TENM2: variants seen among roughly 807,000 people sequenced by gnomAD.
TENM2 encodes the protein teneurin-2.
TENM2 carries 52 observed loss-of-function variants against 245.2 expected under a neutral mutation model. The ratio of observed to expected loss-of-function variants is 0.21; its 90% confidence interval spans 0.17 to 0.27. The LOEUF (loss-of-function observed/expected upper bound fraction) is 0.27. Among genes scored for constraint, TENM2 ranks in the 10% least tolerant of loss-of-function variants. The pLI is 1.00. For synonymous variants in TENM2, 1,363 were observed against 1,438.9 expected (o/e 0.95, Z 1.19); for missense variants, 3,046 against 3,666.8 (o/e 0.83, Z 4.37).
At chr5:167,438,609 G>A (rs111265230) in intron 2 of TENM2, among the ~76,000 whole-genome samples, 6,873 of 152,148 alleles carry the variant, frequency 0.045, 187 homozygotes, top group Non-Finnish European at 0.065. Context: ...CTGTTAGCCA[G>A]GATGGTCTCG....
the TENM2 span, among the ~76,000 whole-genome samples, chr5:167,061,457 A>G: frequency 7.9e-5 from 12 of 152,304 alleles, no homozygotes; most frequent in South Asian, 2.3e-3. Context: ...AATTTATTAG[A>G]CAAACTTTTT....
chr5:167,378,009 T>C (rs1217633732), intron 2 of TENM2, among the ~76,000 whole-genome samples: 2 of 152,136 alleles, frequency 1.3e-5, no homozygotes, highest in Non-Finnish European at 2.9e-5. Flanking sequence ...GTTTTAAAGA[T>C]ACATGGTCAG....
chr5:167,936,578 C>G (rs1778737351), intron 3 of TENM2, among the ~76,000 whole-genome samples: 1 of 152,160 alleles, frequency 6.6e-6, no homozygotes, highest in East Asian at 1.9e-4. Flanking sequence ...AGTCTTTCCC[C>G]CATCCATTGA....
chr5:168,129,765 T>A (rs1471021770), intron 12 of TENM2: 1 of 152,204 alleles, frequency 6.6e-6, no homozygotes, highest in Non-Finnish European at 1.5e-5. Context: ...TTAAAGTAAA[T>A]GCCACAATTT....
intron 2 of TENM2, among the ~76,000 whole-genome samples, chr5:167,678,977 A>C (rs958724195): frequency 6.6e-6 from 1 of 152,088 alleles, no homozygotes; most frequent in African/African-American, 2.4e-5. Context: ...CGCCATGATG[A>C]CTGTAGTCAA....
chr5:168,109,902 C>G (rs996488361), intron 9 of TENM2, among the ~76,000 whole-genome samples: 1 of 152,152 alleles, frequency 6.6e-6, no homozygotes, highest in African/African-American at 2.4e-5. Context: ...CGTGCAAGTC[C>G]ATGCCTGCAA....
At chr5:167,466,849 G>A (rs561349943) in intron 2 of TENM2, among the ~76,000 whole-genome samples, 12 of 152,016 alleles carry the variant, frequency 7.9e-5, no homozygotes, top group East Asian at 1.9e-4. Flanking sequence ...GTCTCCCCAC[G>A]TACTAATACT....
At chr5:167,600,655 G>T (rs1776573169) in intron 2 of TENM2, among the ~76,000 whole-genome samples, 1 of 152,096 alleles carries the variant, frequency 6.6e-6, no homozygotes, top group Non-Finnish European at 1.5e-5. Flanking sequence ...TTTCTCTAGG[G>T]CCTCAGAGGC....
At chr5:168,110,602 C>T (rs1023439819) in intron 9 of TENM2, among the ~76,000 whole-genome samples, 2 of 152,140 alleles carry the variant, frequency 1.3e-5, no homozygotes, top group African/African-American at 4.8e-5. Flanking sequence ...AAACAGACCC[C>T]CCATGCCTTC....
chr5:167,321,283 T>C (rs1019934028), intron 1 of TENM2, among the ~76,000 whole-genome samples: 2 of 152,016 alleles, frequency 1.3e-5, no homozygotes, highest in African/African-American at 4.8e-5. Flanking sequence ...AAGAAAAATA[T>C]AGGGCATTTT....
chr5:167,662,330 G>A (rs749570869), intron 2 of TENM2, among the ~76,000 whole-genome samples: 1 of 152,116 alleles, frequency 6.6e-6, no homozygotes, highest in East Asian at 1.9e-4. Flanking sequence ...CCCCTTCCTC[G>A]TTTGCCTGGC....
chr5:167,923,290 G>C (rs1409035750), intron 3 of TENM2, among the ~76,000 whole-genome samples: 1 of 151,410 alleles, frequency 6.6e-6, no homozygotes, highest in African/African-American at 2.4e-5. Context: ...CTGCATTGCA[G>C]CCTGGGCAAG....
chr5:167,703,530 C>CAAAAAAA (rs747603141), intron 2 of TENM2, among the ~76,000 whole-genome samples: 54 of 97,072 alleles, frequency 5.6e-4, no homozygotes, highest in East Asian at 1.7e-3. Context: ...GAAACCATCT[C>CAAAAAAA]AAAAAAAAAA....
chr5:167,856,684 C>T (rs1255089719), intron 2 of TENM2, among the ~76,000 whole-genome samples: 1 of 152,164 alleles, frequency 6.6e-6, no homozygotes, highest in South Asian at 2.1e-4. Flanking sequence ...AATCTTCTGT[C>T]TCCTTTTCCC....
At chr5:168,054,227 C>T (rs967039762) in intron 6 of TENM2, among the ~76,000 whole-genome samples, 3 of 152,198 alleles carry the variant, frequency 2.0e-5, no homozygotes, top group African/African-American at 7.2e-5. Flanking sequence ...TGAACACCAT[C>T]ACAGAAGCAG....
chr5:168,016,227 A>T (rs1342360742), intron 5 of TENM2, among the ~76,000 whole-genome samples: 1 of 152,218 alleles, frequency 6.6e-6, no homozygotes, highest in Non-Finnish European at 1.5e-5. Context: ...ACGGATGTTA[A>T]GTAGCTTGTC....
intron 2 of TENM2, among the ~76,000 whole-genome samples, chr5:167,739,912 C>G (rs1761056363): frequency 6.6e-6 from 1 of 152,198 alleles, no homozygotes; most frequent in African/African-American, 2.4e-5. Flanking sequence ...TAACTAATTA[C>G]TTGTGACCCT....
the TENM2 span, among the ~76,000 whole-genome samples, chr5:167,063,222 G>T: frequency 6.6e-6 from 1 of 152,108 alleles, no homozygotes; most frequent in African/African-American, 2.4e-5. Context: ...ACCTTGTCTT[G>T]CAGAGCTTAT....
intron 7 of TENM2, among the ~76,000 whole-genome samples, chr5:168,066,302 C>T (rs1790500906): frequency 6.6e-6 from 1 of 152,162 alleles, no homozygotes; most frequent in Non-Finnish European, 1.5e-5. Flanking sequence ...TCAACCAAAG[C>T]AGTCACATCA....
Sources: allele counts gnomAD v4.1 joint callset (sites outside exome capture counted in the v4.1 genomes callset), GRCh38; gene constraint gnomAD v4.1.1; transcripts MANE v1.5; gene names NCBI Gene and HGNC (gene_info 2026-07-23, HGNC 2026-07-21).